Variants in ANKRD28 observed in about 807,000 individuals in gnomAD.
ANKRD28 encodes serine/threonine-protein phosphatase 6 regulatory ankyrin repeat subunit A.
In ANKRD28, 44 loss-of-function variants were observed where a neutral mutation model predicts 126.5. The ratio of observed to expected loss-of-function variants is 0.35; its 90% CI spans 0.27 to 0.45. The LOEUF (loss-of-function observed/expected upper bound fraction) is 0.45, where lower values mean the gene tolerates loss of function less well. Ranked by LOEUF, ANKRD28 falls within the 20% of genes least tolerant of loss-of-function variation. The pLI is 1.00. For synonymous variants in ANKRD28, 442 were observed against 468.5 expected (o/e 0.94, Z 0.73); for missense variants, 1,110 against 1,316.6 (o/e 0.84, Z 2.43).
chr3:15,740,627 G>A (rs2075385112), intron 4 of ANKRD28, among the ~76,000 whole-genome samples: 3 of 152,152 alleles, frequency 2.0e-5, no homozygotes, highest in Admixed American at 6.5e-5. Context: ...TACTAGAGAT[G>A]TCAGCCTTGC....
intron 1 of ANKRD28, among the ~76,000 whole-genome samples, chr3:15,850,308 G>A (rs2061626260): frequency 7.0e-6 from 1 of 142,940 alleles, no homozygotes; most frequent in African/African-American, 2.6e-5. Flanking sequence ...AACTCAATAT[G>A]GATCACAGCC....
Position 15,668,489 on chromosome 3 carries a change from T to C in ANKRD28, c.*1781A>G, listed in dbSNP as rs1032497560. ...ATATTATAAAGAAAAGATGGGGGAT[T>C]AGATTTATAATTTCTGTAAATATTT... On this transcript the variant is annotated 3_prime_UTR_variant, in exon 28 of 28. Coordinates refer to ENST00000683139, the MANE Select transcript of ANKRD28 (RefSeq NM_001349278.2). 1 of 152,516 alleles carries C rather than the reference T, an allele frequency of 6.6e-6. No individual in the cohort carries two copies. The highest frequency in any genetic ancestry group is 2.4e-5 in the African/African-American group (1 of 41,410). The allele number at this position is 152,516 out of a possible 1,614,324, so 9.4% of individuals were successfully genotyped here.
chr3:15,682,115 C>CAACT (rs2067610526), intron 21 of ANKRD28, among the ~76,000 whole-genome samples: 1 of 152,054 alleles, frequency 6.6e-6, no homozygotes, highest in Non-Finnish European at 1.5e-5. Flanking sequence ...GATGAGAACC[C>CAACT]AACTATTCTC....
chr3:15,689,262 A>G (rs1393565294), intron 18 of ANKRD28, among the ~76,000 whole-genome samples: 2 of 152,280 alleles, frequency 1.3e-5, no homozygotes, highest in East Asian at 3.9e-4. Context: ...CTGTAGCACA[A>G]CCTTCAAAAC....
Position 15,724,493 on chromosome 3 carries a change from C to T in ANKRD28, c.672G>A (p.Ser224=), listed in dbSNP as rs778157896. 3.7e-5 allele frequency: 59 copies of T among 1,588,416 alleles called. 2 individuals are homozygous for T. Among genetic ancestry groups the T allele is most frequent in the Admixed American group, 1.1e-4 (6 of 56,046 alleles). Residue 224 remains serine (S), a synonymous_variant, in exon 7 of 28, where the codon TCG becomes TCA. Transcript: ENST00000683139. Reference sequence around the variant, plus strand: ...CCTTGCATGTCACTTCAGCTCCATGCGACACAAGCAATTTCACTACTTCAA... The same window carrying T: ...CCTTGCATGTCACTTCAGCTCCATGTGACACAAGCAATTTCACTACTTCAA... The part of the protein sequence containing the change: ...GHIEVVKLLV[S]HGAEVTCKDK...
At chr3:15,679,918 A>G (rs2067356266) in intron 21 of ANKRD28, among the ~76,000 whole-genome samples, 1 of 152,156 alleles carries the variant, frequency 6.6e-6, no homozygotes, top group African/African-American at 2.4e-5. Context: ...TATTTACATA[A>G]CATTTACATT....
intron 2 of ANKRD28, among the ~76,000 whole-genome samples, chr3:15,789,395 G>A (rs888184061): frequency 1.3e-5 from 2 of 151,804 alleles, no homozygotes; most frequent in Admixed American, 1.3e-4. Context: ...CCTTAGGAAG[G>A]AATTTTGTGG....
Position 15,786,390 on chromosome 3 carries a change from A to G in ANKRD28, c.201+8833T>C, listed in dbSNP as rs1056100127. Among the ~76,000 whole-genome samples, 3 of 152,102 alleles carry G rather than the reference A, an allele frequency of 2.0e-5. No homozygotes were observed. The East Asian group carries it at 5.8e-4, about 29-fold the overall frequency. On this transcript the variant is annotated intron_variant, in intron 2 of 27. Transcript: ENST00000683139. ...AAAAAAAAGCCAGACCAAAAAAATG[A>G]CATATTGTGTAATTCCATTTATATA... is the stretch of plus-strand genomic sequence containing the variant.
intron 14 of ANKRD28, among the ~76,000 whole-genome samples, chr3:15,696,683 C>CAA (rs2069624765): frequency 6.6e-6 from 1 of 151,760 alleles, no homozygotes; most frequent in Non-Finnish European, 1.5e-5. Flanking sequence ...GGATGTTAAA[C>CAA]AAAACAAAAC....
intron 21 of ANKRD28, chr3:15,684,134 T>C (rs1182430023): frequency 1.3e-5 from 2 of 152,198 alleles, no homozygotes; most frequent in African/African-American, 4.8e-5. Flanking sequence ...TTGACAACAC[T>C]GATGCTTGCA....
intron 2 of ANKRD28, among the ~76,000 whole-genome samples, chr3:15,788,391 C>A (rs1296952759): frequency 6.6e-6 from 1 of 152,068 alleles, no homozygotes; most frequent in Non-Finnish European, 1.5e-5. Flanking sequence ...CTTTATTTCT[C>A]CAGTTACTAT....
intron 1 of ANKRD28, among the ~76,000 whole-genome samples, chr3:15,836,765 G>C (rs1405029077): frequency 6.6e-6 from 1 of 152,036 alleles, no homozygotes; most frequent in Non-Finnish European, 1.5e-5. Flanking sequence ...AATTCAACAG[G>C]AAGATAAACA....
At position 15,817,169 on chromosome 3, in the gene ANKRD28, T is replaced by A. The variant is rs535804330; in HGVS notation, c.28-21863A>T. The stretch of plus-strand genomic sequence containing the variant: ...ACTCATTTCATCAGTATGTCCACTC[T>A]ACGATTTTCCTTAACATGTAACAGT... On this transcript the variant is annotated intron_variant, in intron 1 of 27. Coordinates refer to the ANKRD28 transcript ENST00000399451. This position sits in a 1 kb window ranked among gnomAD's most constrained non-coding sequence, Gnocchi z 4.5. Among the ~76,000 whole-genome samples, 21 of 152,348 alleles carry A rather than the reference T, an allele frequency of 1.4e-4. No homozygotes were observed. Among genetic ancestry groups the A allele is most frequent in the African/African-American group, 4.6e-4 (19 of 41,578 alleles).
chr3:15,782,039 C>T (rs1371778411), intron 2 of ANKRD28, among the ~76,000 whole-genome samples: 1 of 152,066 alleles, frequency 6.6e-6, no homozygotes, highest in Non-Finnish European at 1.5e-5. Context: ...CTAATCATTC[C>T]CCATGAAATC....
intron 6 of ANKRD28, chr3:15,733,266 G>C (rs1013892212): frequency 6.6e-6 from 1 of 152,164 alleles, no homozygotes; most frequent in African/African-American, 2.4e-5. Flanking sequence ...ATACTCTTAC[G>C]AACTACTGAA....
At chr3:15,855,802 G>C (rs972944070) in intron 1 of ANKRD28, among the ~76,000 whole-genome samples, 1 of 152,192 alleles carries the variant, frequency 6.6e-6, no homozygotes. Flanking sequence ...CAGCTAATGG[G>C]TATGGGGTTT....
Position 15,670,444 on chromosome 3 carries a change from T to C in ANKRD28, c.3078A>G (p.Thr1026=). The C allele has an allele frequency of 6.2e-7, 1 of 1,613,978 alleles. No individual in the cohort carries two copies. Among genetic ancestry groups the C allele is most frequent in the Non-Finnish European group, 8.5e-7 (1 of 1,179,874 alleles). ...TGGTATAACGGTTAATGGCATTGAA[T>C]GTTAAGGATGATAAAGGACTACTTG... is the stretch of plus-strand genomic sequence containing the variant. ...VSSSSPLSSL[T]FNAINRYTNT... The change falls in exon 28 of 28, where the codon ACA becomes ACG. Residue 1026 remains threonine, a synonymous_variant. Coordinates refer to ENST00000683139, the MANE Select transcript of ANKRD28 (RefSeq NM_001349278.2).
At chr3:15,688,513 G>A (rs530980558) in intron 18 of ANKRD28, among the ~76,000 whole-genome samples, 32 of 152,304 alleles carry the variant, frequency 2.1e-4, no homozygotes, top group African/African-American at 7.5e-4. Flanking sequence ...ATATAGTAGT[G>A]TATATATGTT....
chr3:15,845,831 G>C lies in ANKRD28; in HGVS notation c.27+13546C>G, dbSNP rs1031833892. Among the ~76,000 whole-genome samples the C allele has an allele frequency of 1.3e-5, 2 of 152,184 alleles. No homozygotes were observed. The highest frequency in any genetic ancestry group is 4.8e-5 in the African/African-American group (2 of 41,454). The stretch of plus-strand genomic sequence containing the variant: ...AGCAAGCACGTCTTAATATGGTGGA[G>C]CAGGAGGTAGGGGTATGTGCCACAC... On this transcript the variant is annotated intron_variant, in intron 1 of 27. Coordinates refer to the ANKRD28 transcript ENST00000399451. The surrounding 1 kb of genome is among the most constrained non-coding windows in gnomAD (Gnocchi z 4.9).
Sources: allele counts gnomAD v4.1 joint callset (sites outside exome capture counted in the v4.1 genomes callset), GRCh38; gene constraint gnomAD v4.1.1; non-coding constraint Gnocchi (gnomAD v3.1); transcripts MANE v1.5; gene names NCBI Gene and HGNC (gene_info 2026-07-23, HGNC 2026-07-21).